The following DPYD variants were observed in gnomAD, a reference collection of about 807,000 sequenced individuals.
The protein encoded by DPYD is dihydropyrimidine dehydrogenase.
In DPYD, 109 loss-of-function variants were observed where a neutral mutation model predicts 116.2. The observed-to-expected ratio is 0.94, with a 90% CI of 0.80 to 1.10. The LOEUF is 1.10. DPYD is among the 50% of genes least tolerant of loss of function. The probability of loss-of-function intolerance (pLI) is 0.00; values close to 1 mark genes in which losing one functional copy is unlikely to be tolerated. For missense variants in DPYD, 1,302 were observed against 1,254.5 expected, an observed-to-expected ratio of 1.04 and a Z score of -0.57; for synonymous variants, 440 against 432.0, an observed-to-expected ratio of 1.02 and a Z score of -0.23.
At chr1:97,154,751 G>A (rs1365532246) in intron 20 of DPYD, among the ~76,000 whole-genome samples, 3 of 151,882 alleles carry the variant, frequency 2.0e-5, no homozygotes, top group Non-Finnish European at 4.4e-5. Flanking sequence ...TTAGGGGAAG[G>A]GGTGAGAGGG....
intron 20 of DPYD, among the ~76,000 whole-genome samples, chr1:97,148,035 C>T (rs1009501013): frequency 1.3e-5 from 2 of 152,000 alleles, no homozygotes; most frequent in Non-Finnish European, 2.9e-5. Flanking sequence ...GAGTAGGTCT[C>T]GGGAGATATA....
rs914151975 is a variant in DPYD, at chr1:97,306,229, C to A, written c.2127G>T (p.Lys709Asn). 1 of 1,612,470 alleles carries A rather than the reference C, an allele frequency of 6.2e-7. No individual in the cohort carries two copies. The highest frequency in any genetic ancestry group is 8.5e-7 in the Non-Finnish European group (1 of 1,178,924). The change falls in exon 17 of 23, where the codon AAG (lysine) becomes AAT (asparagine). Residue 709 changes from lysine to asparagine, a missense_variant. Lys to Asn is a moderately conservative substitution (Grantham distance 94, BLOSUM62 0). Coordinates refer to ENST00000370192, the MANE Select transcript of DPYD (RefSeq NM_000110.4). ...RQAVQIPFFA[K>N]LTPNVTDIVS... ...CAATATCAGTGACATTTGGGGTCAG[C>A]TTGGCAAAAAAAGGAATCTGAACAG... is the stretch of plus-strand genomic sequence containing the variant.
At chr1:97,515,437 A>C (rs1407906478) in intron 13 of DPYD, among the ~76,000 whole-genome samples, 1 of 151,998 alleles carries the variant, frequency 6.6e-6, no homozygotes, top group Non-Finnish European at 1.5e-5. Flanking sequence ...TAATGAAACA[A>C]TTAATAATAC....
At chr1:97,905,986 T>C (rs984117003) in intron 1 of DPYD, among the ~76,000 whole-genome samples, 9 of 152,128 alleles carry the variant, frequency 5.9e-5, no homozygotes, top group African/African-American at 1.9e-4. Flanking sequence ...ATACATCTTT[T>C]TAAGACTGGA....
chr1:97,627,668 C>T (rs1348126605), intron 8 of DPYD, among the ~76,000 whole-genome samples: 1 of 152,026 alleles, frequency 6.6e-6, no homozygotes, highest in Non-Finnish European at 1.5e-5. Context: ...TCAATTTCCA[C>T]CTTGCTTTTA....
At chr1:97,901,951 A>AGTTTACATAT (rs1163185479) in intron 1 of DPYD, among the ~76,000 whole-genome samples, 1 of 151,868 alleles carries the variant, frequency 6.6e-6, no homozygotes, top group African/African-American at 2.4e-5. Context: ...TTTATAAAAT[A>AGTTTACATAT]GTTTACATAT....
intron 8 of DPYD, among the ~76,000 whole-genome samples, chr1:97,599,159 T>C (rs1159950274): frequency 2.0e-5 from 3 of 152,240 alleles, no homozygotes; most frequent in Admixed American, 6.5e-5. Context: ...TTTTCTCCAG[T>C]ACAATCCCTT....
intron 21 of DPYD, among the ~76,000 whole-genome samples, chr1:97,084,178 T>C (rs1649347831): frequency 6.6e-6 from 1 of 152,078 alleles, no homozygotes; most frequent in Admixed American, 6.6e-5. Context: ...TCTGCAAACA[T>C]GTCTTTTTCT....
At chr1:97,302,026 T>C (rs970075015) in intron 18 of DPYD, among the ~76,000 whole-genome samples, 7 of 152,012 alleles carry the variant, frequency 4.6e-5, no homozygotes, top group South Asian at 2.1e-4. Flanking sequence ...TAGGGTTTTT[T>C]TCCAATCAAA....
intron 19 of DPYD, among the ~76,000 whole-genome samples, chr1:97,219,786 C>T (rs548561757): frequency 6.6e-6 from 1 of 152,052 alleles, no homozygotes; most frequent in African/African-American, 2.4e-5. Flanking sequence ...AATGTAAAGA[C>T]CTTGCCACTC....
chr1:97,431,838 A>G (rs993695572), intron 14 of DPYD, among the ~76,000 whole-genome samples: 6 of 151,836 alleles, frequency 4.0e-5, no homozygotes, highest in Admixed American at 3.9e-4. Context: ...CCATTAACCA[A>G]TCTCTCTTTA....
chr1:97,578,720 AG>A (rs1653440715), intron 10 of DPYD, among the ~76,000 whole-genome samples: 1 of 152,226 alleles, frequency 6.6e-6, no homozygotes, highest in Non-Finnish European at 1.5e-5. Context: ...TGAAAGGTGA[AG>A]GGCTTGGCTA....
chr1:97,198,135 T>C (rs1008324279), intron 19 of DPYD, among the ~76,000 whole-genome samples: 1 of 152,102 alleles, frequency 6.6e-6, no homozygotes, highest in African/African-American at 2.4e-5. Context: ...GATTCTGGTT[T>C]TGTAGCTTTA....
At chr1:97,656,409 A>G (rs1658906965) in intron 8 of DPYD, among the ~76,000 whole-genome samples, 1 of 152,134 alleles carries the variant, frequency 6.6e-6, no homozygotes, top group Non-Finnish European at 1.5e-5. Context: ...CACTCTTCAT[A>G]AATTCCCTAT....
chr1:97,459,429 T>A (rs980618269), intron 13 of DPYD, among the ~76,000 whole-genome samples: 5 of 152,060 alleles, frequency 3.3e-5, no homozygotes, highest in African/African-American at 1.2e-4. Flanking sequence ...ATTCTTAGAT[T>A]CCAGACAACA....
chr1:97,643,975 C>G (rs1245361363), intron 8 of DPYD, among the ~76,000 whole-genome samples: 1 of 151,938 alleles, frequency 6.6e-6, no homozygotes, highest in African/African-American at 2.4e-5. Context: ...GGAGAAATAC[C>G]TAATGTAGAT....
chr1:97,735,724 AAATAAAAC>A lies in DPYD; in HGVS notation c.321+4660_321+4667del, dbSNP rs1557919880. 4.7e-5 allele frequency among the ~76,000 whole-genome samples: 7 copies of A among 149,462 alleles called. No individual in the cohort carries two copies. In the South Asian group the frequency reaches 1.0e-3, roughly 22 times the overall value. On this transcript the variant is annotated intron_variant, in intron 4 of 22. Coordinates refer to ENST00000370192, the MANE Select transcript of DPYD (RefSeq NM_000110.4). ...TAAATAAATAAATAAATAAATAAATAAATAAAACAATAAAAGTCTTGAAAAGATTAATA... is the reference window on the plus strand; with the variant it reads ...TAAATAAATAAATAAATAAATAAATAAATAAAAGTCTTGAAAAGATTAATA...
chr1:97,662,494 G>A (rs2786523), intron 8 of DPYD, among the ~76,000 whole-genome samples: 9,456 of 151,844 alleles, frequency 0.062, 389 homozygotes, highest in African/African-American at 0.11. Flanking sequence ...TTAGCCAGGC[G>A]TGGTGGCACG....
At chr1:97,638,559 T>C (rs907976230) in intron 8 of DPYD, among the ~76,000 whole-genome samples, 2 of 152,184 alleles carry the variant, frequency 1.3e-5, no homozygotes, top group Non-Finnish European at 2.9e-5. Context: ...TTGGATGACT[T>C]AGTCCATTTT....
Sources: allele counts gnomAD v4.1 joint callset (sites outside exome capture counted in the v4.1 genomes callset), GRCh38; gene constraint gnomAD v4.1.1; transcripts MANE v1.5; gene names NCBI Gene and HGNC (gene_info 2026-07-23, HGNC 2026-07-21).